Variants in NUSAP1 observed in about 807,000 individuals in gnomAD.
The protein encoded by NUSAP1 is nucleolar and spindle associated protein 1.
NUSAP1 carries 32 observed loss-of-function variants against 52.8 expected under a neutral mutation model. The observed-to-expected ratio is 0.61, with a 90% CI of 0.46 to 0.81. NUSAP1 has a LOEUF of 0.81. Among genes scored for constraint, NUSAP1 ranks in the 40% least tolerant of loss-of-function variants. NUSAP1 has a pLI of 0.00. For synonymous variants in NUSAP1, 195 were observed against 183.1 expected, an observed-to-expected ratio of 1.06 and a Z score of -0.52; for missense variants, 499 against 522.3, an observed-to-expected ratio of 0.96 and a Z score of 0.43.
intron 7 of NUSAP1, 39 bp from the exon 8 acceptor site, chr15:41,371,487 GC>G: frequency 6.7e-7 from 1 of 1,492,232 alleles, no homozygotes; most frequent in Non-Finnish European, 8.9e-7. Context: ...AGTTACTCTT[GC>G]CACAGTACTC....
At position 41,377,064 on chromosome 15, in the gene NUSAP1, G is replaced by C; in HGVS notation, c.1124-132G>C. 5.3e-6 allele frequency: 3 copies of C among 566,198 alleles called. 1 individual carries two copies. In the South Asian group the frequency reaches 6.2e-5, roughly 12 times the overall value. 35.1% of individuals were successfully genotyped at this position (566,198 alleles called of 1,614,324 possible). A position where few individuals can be genotyped will look rare whatever the true frequency, so the allele number is the denominator to read the frequency against. Reference sequence around the variant, plus strand: ...CCACTGCACTCCAAACTGAGCGACAGAGTGAGATTCTGTCTCAAAGAAAAA... The same window carrying C: ...CCACTGCACTCCAAACTGAGCGACACAGTGAGATTCTGTCTCAAAGAAAAA... On this transcript the variant is annotated intron_variant, in intron 9 of 10. Transcript: ENST00000559596.
At chr15:41,378,536 A>G (rs912532099) in intron 10 of NUSAP1, among the ~76,000 whole-genome samples, 4 of 152,206 alleles carry the variant, frequency 2.6e-5, no homozygotes, top group African/African-American at 9.6e-5. Flanking sequence ...CTGTAATCCC[A>G]GTACTCTGGG....
chr15:41,363,521 T>C (rs569970879), intron 6 of NUSAP1, among the ~76,000 whole-genome samples: 7 of 152,072 alleles, frequency 4.6e-5, no homozygotes, highest in African/African-American at 1.7e-4. Flanking sequence ...ACAATAGTCA[T>C]GCACTACTAC....
At chr15:41,357,504 C>T (rs932146775) in intron 5 of NUSAP1, among the ~76,000 whole-genome samples, 6 of 151,366 alleles carry the variant, frequency 4.0e-5, no homozygotes, top group East Asian at 2.0e-4. Context: ...AGTGCAATGG[C>T]GCAATCTAGG....
At chr15:41,375,174 A>ATT (rs56152606) in intron 8 of NUSAP1, among the ~76,000 whole-genome samples, 4 of 127,816 alleles carry the variant, frequency 3.1e-5, no homozygotes, top group Middle Eastern at 4.5e-3. Context: ...CGCCCAGCTA[A>ATT]TTTTTTTTTT....
intron 7 of NUSAP1, among the ~76,000 whole-genome samples, chr15:41,366,116 A>G (rs1236162690): frequency 6.6e-6 from 1 of 151,886 alleles, no homozygotes; most frequent in African/African-American, 2.4e-5. Context: ...TATATTTAGT[A>G]TCCTCCTTCT....
chr15:41,364,983 G>A (rs2049330757), intron 6 of NUSAP1, among the ~76,000 whole-genome samples: 1 of 152,098 alleles, frequency 6.6e-6, no homozygotes, highest in Non-Finnish European at 1.5e-5. Flanking sequence ...AATCCCCATA[G>A]CAATAAATGG....
chr15:41,336,253 C>T (rs757912849), intron 1 of NUSAP1, among the ~76,000 whole-genome samples: 4 of 149,798 alleles, frequency 2.7e-5, no homozygotes, highest in East Asian at 3.9e-4. Flanking sequence ...GCAACAAGAG[C>T]GAAACTCCGT....
At position 41,371,532 on chromosome 15, in the gene NUSAP1, C is replaced by T. The variant is rs902073049; in HGVS notation, c.854C>T (p.Ser285Leu). Residue 285 changes from serine (S) to leucine (L), a missense_variant, in exon 8 of 11, where the codon TCA becomes TTA. Physicochemically the swap from Ser to Leu is moderately radical, Grantham distance 145. Coordinates refer to ENST00000559596, the MANE Select transcript of NUSAP1 (RefSeq NM_016359.5). ...ISAAKTGVRF[S>L]AATKDNEHKR... ...TACTCTGCTGTCCTATTTAGGTTTT[C>T]AGCTGCTACTAAAGATAATGAGCAT... 2 of 1,595,110 alleles carry T rather than the reference C, an allele frequency of 1.3e-6. No homozygotes were observed. The highest frequency in any genetic ancestry group is 2.7e-5 in the African/African-American group (2 of 73,434).
Position 41,365,521 on chromosome 15 carries a change from T to TC in NUSAP1, c.781dup (p.Gln261ProfsTer19). On this transcript the variant is annotated frameshift_variant, in exon 7 of 11. Transcript: ENST00000559596. LOFTEE classifies it high-confidence loss of function. ...AAGGCCGGTCTTGTGGCCCTGCAAGTCAGAGTACCTTGGGTCTGAAGGGGT... is the reference window on the plus strand; with the variant it reads ...AAGGCCGGTCTTGTGGCCCTGCAAGTCCAGAGTACCTTGGGTCTGAAGGGGT... The TC allele has an allele frequency of 6.2e-7, 1 of 1,612,940 alleles. No homozygotes were observed. Among genetic ancestry groups the TC allele is most frequent in the Non-Finnish European group, 8.5e-7 (1 of 1,179,486 alleles).
At chr15:41,357,202 T>C (rs925682033) in intron 5 of NUSAP1, among the ~76,000 whole-genome samples, 3 of 151,944 alleles carry the variant, frequency 2.0e-5, no homozygotes, top group Non-Finnish European at 2.9e-5. Flanking sequence ...ACCCCATCTC[T>C]ACTGAAAATA....
intron 4 of NUSAP1, among the ~76,000 whole-genome samples, chr15:41,354,597 G>T (rs2048893114): frequency 6.6e-6 from 1 of 151,636 alleles, no homozygotes; most frequent in Non-Finnish European, 1.5e-5. Context: ...TGGCTGATTG[G>T]ATTACGTGAC....
chr15:41,378,528 G>A (rs756229546), intron 10 of NUSAP1, among the ~76,000 whole-genome samples: 1 of 152,214 alleles, frequency 6.6e-6, no homozygotes, highest in Non-Finnish European at 1.5e-5. Flanking sequence ...GCTCACGCCT[G>A]TAATCCCAGT....
At position 41,380,296 on chromosome 15, in the gene NUSAP1, A is replaced by G; in HGVS notation, c.*110A>G. ...TTAGTCACGAGATCTTTTTCTGCTA[A>G]CTGTTCATAGTCTGTGTAGTGTCCA... On this transcript the variant is annotated 3_prime_UTR_variant, in exon 11 of 11. Coordinates refer to ENST00000559596, the MANE Select transcript of NUSAP1 (RefSeq NM_016359.5). The G allele has an allele frequency of 1.4e-6, 1 of 696,850 alleles. No homozygotes were observed. Among genetic ancestry groups the G allele is most frequent in the South Asian group, 1.8e-5 (1 of 55,010 alleles). The allele number at this position is 696,850 out of a possible 1,614,324, so 43.2% of individuals were successfully genotyped here.
intron 9 of NUSAP1, 141 bp from the exon 10 acceptor site, chr15:41,377,055 T>G: frequency 1.8e-6 from 1 of 545,400 alleles, no homozygotes; most frequent in Non-Finnish European, 3.3e-6. Context: ...CACTCCAAAC[T>G]GAGCGACAGA....
intron 6 of NUSAP1, among the ~76,000 whole-genome samples, chr15:41,361,102 A>G (rs2049158113): frequency 6.6e-6 from 1 of 151,286 alleles, no homozygotes; most frequent in Non-Finnish European, 1.5e-5. Flanking sequence ...TCAAAAAACA[A>G]AAAAAATAGG....
intron 8 of NUSAP1, among the ~76,000 whole-genome samples, chr15:41,372,014 C>T (rs932940583): frequency 2.6e-5 from 4 of 152,074 alleles, no homozygotes; most frequent in Non-Finnish European, 4.4e-5. Flanking sequence ...GTGATCCGCC[C>T]GCCTCGGCCT....
Position 41,371,537 on chromosome 15 carries a change from GCTA to G in NUSAP1, c.863_865del (p.Thr288del), listed in dbSNP as rs779738515. On this transcript the variant is annotated inframe_deletion, in exon 8 of 11. Coordinates refer to ENST00000559596, the MANE Select transcript of NUSAP1 (RefSeq NM_016359.5). ...TGCTGTCCTATTTAGGTTTTCAGCT[GCTA>G]CTAAAGATAATGAGCATAAGCGTTC... The G allele has an allele frequency of 2.4e-5, 38 of 1,595,656 alleles. No individual in the cohort carries two copies. The highest frequency in any genetic ancestry group is 3.1e-5 in the Non-Finnish European group (36 of 1,174,820).
At chr15:41,378,082 T>C (rs186199814) in intron 10 of NUSAP1, among the ~76,000 whole-genome samples, 3 of 151,872 alleles carry the variant, frequency 2.0e-5, no homozygotes, top group African/African-American at 7.2e-5. Flanking sequence ...AGATTTGGGG[T>C]GAGGCCCAAG....
Sources: gnomAD v4.1 joint callset for allele counts (sites outside exome capture counted in the v4.1 genomes callset) on GRCh38, gnomAD v4.1.1 for gene constraint, MANE v1.5 for transcripts, NCBI Gene and HGNC (gene_info 2026-07-23, HGNC 2026-07-21) for gene names.